The following FKBP14 variants were observed in gnomAD, a reference collection of about 807,000 sequenced individuals.
FKBP14 encodes peptidyl-prolyl cis-trans isomerase FKBP14.
In FKBP14, 20 loss-of-function variants were observed where a neutral mutation model predicts 21.6. The observed-to-expected ratio is 0.92, with a 90% CI of 0.65 to 1.34. The LOEUF is 1.34. Among genes scored for constraint, FKBP14 ranks in the 40% most tolerant of loss-of-function variants. FKBP14 has a pLI of 0.00. For synonymous variants in FKBP14, 79 were observed against 86.7 expected (o/e 0.91, Z 0.49); for missense variants, 253 against 249.0 (o/e 1.02, Z -0.11).
Position 30,018,021 on chromosome 7 carries a change from A to AT in FKBP14, c.477+974dup, listed in dbSNP as rs909259029. Reference sequence around the variant, plus strand: ...AGGAAATAAATAAATAAATAAATAAATAAATAAATAAATAAATAAATAAAT... The same window carrying AT: ...AGGAAATAAATAAATAAATAAATAAATTAAATAAATAAATAAATAAATAAAT... On this transcript the variant is annotated intron_variant, in intron 3 of 3. Transcript: ENST00000222803. Among the ~76,000 whole-genome samples, 93 of 151,284 alleles carry AT rather than the reference A, an allele frequency of 6.1e-4. 5 individuals are homozygous for AT. Among genetic ancestry groups the AT allele is most frequent in the Non-Finnish European group, 4.4e-5 (3 of 67,816 alleles).
At chr7:30,007,094 C>T (rs1162809621), downstream of FKBP14, among the ~76,000 whole-genome samples, 7 of 151,744 alleles carry the variant, frequency 4.6e-5, no homozygotes, top group East Asian at 1.4e-3. Context: ...AAATTAAGCT[C>T]AACTTTATAT....
At chr7:30,015,775 G>A (rs1309698272) in intron 3 of FKBP14, among the ~76,000 whole-genome samples, 7 of 150,306 alleles carry the variant, frequency 4.7e-5, no homozygotes, top group East Asian at 2.0e-4. Flanking sequence ...ACAGGCGCCC[G>A]CCACCACGCC....
In FKBP14 at chr7:30,026,512, G is replaced by C. The variant is rs752092506; in HGVS notation, c.-4C>G. ...CGTTCCACAAGAAAAGCCTCATGTT[G>C]CTGAAGCAAGGAAAGAAGTCCCTAC... On this transcript the variant is annotated 5_prime_UTR_variant, in exon 1 of 4. Transcript: ENST00000222803. The C allele has an allele frequency of 6.2e-7, 1 of 1,603,124 alleles. No homozygotes were observed. Among genetic ancestry groups the C allele is most frequent in the Admixed American group, 1.7e-5 (1 of 57,562 alleles).
At chr7:30,024,214 A>G (rs995307543) in intron 1 of FKBP14, among the ~76,000 whole-genome samples, 4 of 152,192 alleles carry the variant, frequency 2.6e-5, no homozygotes, top group Non-Finnish European at 5.9e-5. Flanking sequence ...ATTTTGCCCA[A>G]TGATCAAAGT....
Position 30,026,660 on chromosome 7 carries a change from C to T in FKBP14, c.-152G>A. The T allele has an allele frequency of 1.5e-6, 1 of 651,774 alleles. No individual in the cohort carries two copies. The highest frequency in any genetic ancestry group is 2.5e-6 in the Non-Finnish European group (1 of 394,294). The allele number at this position is 651,774 out of a possible 1,614,324, so 40.4% of individuals were successfully genotyped here. On this transcript the variant is annotated 5_prime_UTR_variant, in exon 1 of 4. Coordinates refer to ENST00000222803, the MANE Select transcript of FKBP14 (RefSeq NM_017946.4). ...GAAGACGTGGCACATTTACCACCAA[C>T]TCTTTTCTCAAGGGTCACGAACCTA...
intron 3 of FKBP14, among the ~76,000 whole-genome samples, chr7:30,018,209 A>G (rs1295255877): frequency 1.3e-5 from 2 of 152,136 alleles, no homozygotes; most frequent in African/African-American, 4.8e-5. Context: ...GTTCGTAACA[A>G]TTTGGCTTAT....
At chr7:30,007,607 A>G (rs547476323), downstream of FKBP14, among the ~76,000 whole-genome samples, 9 of 152,320 alleles carry the variant, frequency 5.9e-5, no homozygotes, top group South Asian at 2.1e-4. Context: ...CCAATGCACA[A>G]TGCTTTCTGG....
chr7:30,009,450 C>G (rs1413246979), downstream of FKBP14, among the ~76,000 whole-genome samples: 3 of 152,008 alleles, frequency 2.0e-5, no homozygotes, highest in African/African-American at 7.3e-5. Context: ...CCAGGTTGGT[C>G]TCGAGCACCT....
chr7:30,015,690 A>G (rs1184540303), intron 3 of FKBP14, among the ~76,000 whole-genome samples: 20 of 148,038 alleles, frequency 1.4e-4, no homozygotes, highest in Admixed American at 1.1e-3. Flanking sequence ...CAGTGGCGCA[A>G]TCTCGGCTCA....
chr7:30,021,645 T>C (rs575118441), intron 2 of FKBP14, among the ~76,000 whole-genome samples: 12 of 152,110 alleles, frequency 7.9e-5, no homozygotes, highest in African/African-American at 2.9e-4. Context: ...AACCTCTGCC[T>C]CACATGTTCA....
chr7:30,010,974 T>C lies in FKBP14; in HGVS notation c.*3761A>G, dbSNP rs987561763. On this transcript the variant is annotated 3_prime_UTR_variant, in exon 4 of 4. Transcript: ENST00000222803. ...GAAGAGTCCAAAAATTGTTTTTAAATAAGTTTCTAAACTAGAAAATTTACA... is the reference window on the plus strand; with the variant it reads ...GAAGAGTCCAAAAATTGTTTTTAAACAAGTTTCTAAACTAGAAAATTTACA... 1.2e-4 allele frequency: 19 copies of C among 152,304 alleles called. No homozygotes were observed. Among genetic ancestry groups the C allele is most frequent in the African/African-American group, 4.3e-4 (18 of 41,564 alleles). 9.4% of individuals were successfully genotyped at this position (152,304 alleles called of 1,614,324 possible).
rs1428469368 is a variant in FKBP14, at chr7:30,010,908, G to A, written c.*3827C>T. On this transcript the variant is annotated 3_prime_UTR_variant, in exon 4 of 4. Transcript: ENST00000222803. Reference sequence around the variant, plus strand: ...ATAAGGATATAAGGAAAATATTTTTGTACAGCTATGCAATGTGTGTTTTAA... The same window carrying A: ...ATAAGGATATAAGGAAAATATTTTTATACAGCTATGCAATGTGTGTTTTAA... 6.6e-6 allele frequency: 1 copy of A among 152,092 alleles called. No individual in the cohort carries two copies. The highest frequency in any genetic ancestry group is 1.5e-5 in the Non-Finnish European group (1 of 68,028). The allele number at this position is 152,092 out of a possible 1,614,324, so 9.4% of individuals were successfully genotyped here. A position where few individuals can be genotyped will look rare whatever the true frequency, so the allele number is the denominator to read the frequency against.
chr7:30,023,038 TAAGA>T (rs1473449366), intron 1 of FKBP14, among the ~76,000 whole-genome samples: 1 of 151,300 alleles, frequency 6.6e-6, no homozygotes, highest in African/African-American at 2.4e-5. Flanking sequence ...TGACTGGGCT[TAAGA>T]AAGACAGAGG....
In FKBP14 at chr7:30,011,575, G is replaced by GTATA. The variant is rs55805537; in HGVS notation, c.*3156_*3159dup. The GTATA allele has an allele frequency of 8.1e-6, 1 of 123,362 alleles. No homozygotes were observed. Among genetic ancestry groups the GTATA allele is most frequent in the Admixed American group, 9.6e-5 (1 of 10,468 alleles). The allele number at this position is 123,362 out of a possible 1,614,324, so 7.6% of individuals were successfully genotyped here. On this transcript the variant is annotated 3_prime_UTR_variant, in exon 4 of 4. Coordinates refer to ENST00000222803, the MANE Select transcript of FKBP14 (RefSeq NM_017946.4). ...TATATATATATATACCATATATATGGTATATATATATATATAGTATATATA... is the reference window on the plus strand; with the variant it reads ...TATATATATATATACCATATATATGGTATATATATATATATATATAGTATATATA...
intron 3 of FKBP14, among the ~76,000 whole-genome samples, chr7:30,015,511 G>A (rs1439749637): frequency 1.3e-5 from 2 of 151,278 alleles, no homozygotes; most frequent in Non-Finnish European, 2.9e-5. Flanking sequence ...CTTATGTCAT[G>A]TATACAATCC....
intron 3 of FKBP14, among the ~76,000 whole-genome samples, chr7:30,015,208 G>A (rs533227716): frequency 2.0e-5 from 3 of 151,966 alleles, no homozygotes; most frequent in South Asian, 2.1e-4. Flanking sequence ...GAGGTCAGGA[G>A]TTGGAGATCA....
At chr7:30,020,923 A>C (rs533533082) in intron 2 of FKBP14, among the ~76,000 whole-genome samples, 1 of 152,358 alleles carries the variant, frequency 6.6e-6, no homozygotes, top group South Asian at 2.1e-4. Flanking sequence ...AGATTTGTAT[A>C]GATTTGTATA....
chr7:30,007,317 CTCCTGCCTCAG>C (rs1789635995), downstream of FKBP14, among the ~76,000 whole-genome samples: 1 of 150,588 alleles, frequency 6.6e-6, no homozygotes, highest in Non-Finnish European at 1.5e-5. Context: ...TCAAGCAATT[CTCCTGCCTCAG>C]CCTCCCAAGT....
chr7:30,016,636 T>C (rs1056762209), intron 3 of FKBP14, among the ~76,000 whole-genome samples: 2 of 152,088 alleles, frequency 1.3e-5, no homozygotes, highest in Non-Finnish European at 2.9e-5. Context: ...TCAGAAGATT[T>C]GCCTGCCTTG....
Sources: allele counts gnomAD v4.1 joint callset (sites outside exome capture counted in the v4.1 genomes callset), GRCh38; gene constraint gnomAD v4.1.1; transcripts MANE v1.5; gene names NCBI Gene and HGNC (gene_info 2026-07-23, HGNC 2026-07-21).